Variants in AOC1 observed in about 807,000 individuals in gnomAD.
AOC1 encodes the protein amine oxidase copper containing 1.
In AOC1, 58 loss-of-function variants were observed where a neutral mutation model predicts 57.1. The ratio of observed to expected loss-of-function variants is 1.02; its 90% CI spans 0.82 to 1.26. AOC1 has a LOEUF of 1.26. Ranked by LOEUF, AOC1 falls within the 50% of genes most tolerant of loss-of-function variation. The pLI is 0.00. For synonymous variants in AOC1, 401 were observed against 423.4 expected, an observed-to-expected ratio of 0.95 and a Z score of 0.65; for missense variants, 917 against 1,005.3, an observed-to-expected ratio of 0.91 and a Z score of 1.19.
In AOC1 at chr7:150,856,856, C is replaced by T. The variant is rs756760753; in HGVS notation, c.386C>T (p.Ser129Phe). ...GGGCCCTGCTACATGCGAGCACTGT[C>T]CCCCAGGCCTGGGTACCAGTCCTCC... ...LPGPCYMRAL[S>F]PRPGYQSSWA... is the part of the protein sequence containing the mutation. The change falls in exon 2 of 5, where the codon TCC (serine) becomes TTC (phenylalanine). Residue 129 changes from serine (S) to phenylalanine (F), a missense_variant. Ser to Phe is a radical substitution (Grantham distance 155). Coordinates refer to ENST00000360937, the MANE Select transcript of AOC1 (RefSeq NM_001091.4). The surrounding 1 kb of genome is among the most constrained non-coding windows in gnomAD (Gnocchi z 5.2). 4 of 1,614,052 alleles carry T rather than the reference C, an allele frequency of 2.5e-6. No homozygotes were observed. Among genetic ancestry groups the T allele is most frequent in the South Asian group, 2.2e-5 (2 of 91,080 alleles).
At chr7:150,859,561 G>T (rs1339906819) in intron 3 of AOC1, among the ~76,000 whole-genome samples, 1 of 151,666 alleles carries the variant, frequency 6.6e-6, no homozygotes, top group Non-Finnish European at 1.5e-5. Context: ...AAATTAGCTG[G>T]GCATGGTGGC....
Position 150,860,595 on chromosome 7 carries a change from G to C in AOC1, c.1951G>C (p.Glu651Gln), listed in dbSNP as rs756751670. The C allele has an allele frequency of 5.6e-6, 9 of 1,613,902 alleles. No homozygotes were observed. In the East Asian group the frequency reaches 1.8e-4, roughly 32 times the overall value. The change falls in exon 4 of 5, where the codon GAG becomes CAG. Residue 651 changes from glutamate (E) to glutamine (Q), a missense_variant. Transcript: ENST00000360937. Reference protein sequence around the residue: ...NDPWHPPVVFEQFLHNNENIE... With the variant: ...NDPWHPPVVFQQFLHNNENIE... ...CCCCTGGCACCCGCCCGTGGTCTTT[G>C]AGCAGTTTCTTCACAACAACGAGAA...
rs151141813 is a variant in AOC1 at position 150,857,313 on chromosome 7, C to T, written c.843C>T (p.Leu281=). 2.2e-4 allele frequency: 358 copies of T among 1,597,316 alleles called. 2 individuals carry two copies. The East Asian group carries it at 7.1e-3, about 32-fold the overall frequency. The change falls in exon 2 of 5, where the codon CTC becomes CTT. Residue 281 remains leucine, a synonymous_variant. Coordinates refer to ENST00000360937, the MANE Select transcript of AOC1 (RefSeq NM_001091.4). This position sits in a 1 kb window ranked among gnomAD's most constrained non-coding sequence, Gnocchi z 6.6. ...KGHDSTEEPP[L]FSSHKPRGDF... ...ATGACAGCACAGAGGAGCCGCCCCT[C>T]TTCTCCTCCCACAAGCCCCGCGGGG...
At position 150,852,968 on chromosome 7, in the gene AOC1, G is replaced by A. The variant is rs574949655; in HGVS notation, c.-17+410G>A. ...AGGTTGTAAAAAAGGAGACCCAGCC[G>A]TGAAAGGACATGGAGGTACCCTAAA... On this transcript the variant is annotated intron_variant, in intron 1 of 4. Coordinates refer to ENST00000360937, the MANE Select transcript of AOC1 (RefSeq NM_001091.4). The surrounding 1 kb of genome is among the most constrained non-coding windows in gnomAD (Gnocchi z 4.6). Among the ~76,000 whole-genome samples the A allele has an allele frequency of 5.9e-5, 9 of 152,276 alleles. No individual in the cohort carries two copies. In the South Asian group the frequency reaches 8.3e-4, roughly 14 times the overall value.
rs1799964628 is a variant in AOC1, at chr7:150,861,361, C to T, written c.*152C>T. 1.2e-6 allele frequency: 1 copy of T among 852,662 alleles called. No individual in the cohort carries two copies. The highest frequency in any genetic ancestry group is 1.8e-6 in the Non-Finnish European group (1 of 566,868). 52.8% of individuals were successfully genotyped at this position (852,662 alleles called of 1,614,324 possible). On this transcript the variant is annotated 3_prime_UTR_variant, in exon 5 of 5. Transcript: ENST00000360937. The surrounding 1 kb of genome is among the most constrained non-coding windows in gnomAD (Gnocchi z 4.5). ...GGAAACACACGAACAGACGTGCACACACACAGACGTGCACACACACACAGA... is the reference window on the plus strand; with the variant it reads ...GGAAACACACGAACAGACGTGCACATACACAGACGTGCACACACACACAGA...
In AOC1 at chr7:150,859,045, C is replaced by T; in HGVS notation, c.1853C>T (p.Ala618Val). 1 of 1,564,580 alleles carries T rather than the reference C, an allele frequency of 6.4e-7. No homozygotes were observed. Among genetic ancestry groups the T allele is most frequent in the Non-Finnish European group, 8.7e-7 (1 of 1,150,416 alleles). ...CAGGAGGAGCAGGCCATCACCTGGG[C>T]AAGGTGAGGAAGACCCAGGGGGCCT... The part of the protein sequence containing the change: ...GWQEEQAITW[A>V]RYPLAVTKYR... The change falls in exon 3 of 5, where the codon GCA becomes GTA. Residue 618 changes from alanine (A) to valine (V), a missense_variant. Ala to Val is a moderately conservative substitution (Grantham distance 64). Transcript: ENST00000360937.
chr7:150,854,751 G>T (rs1799724312), intron 1 of AOC1, among the ~76,000 whole-genome samples: 1 of 152,238 alleles, frequency 6.6e-6, no homozygotes, highest in Non-Finnish European at 1.5e-5. Context: ...AAGCGCTCAT[G>T]ATGGTCAGGT....
Position 150,858,820 on chromosome 7 carries a change from G to A in AOC1, c.1628G>A (p.Trp543Ter), listed in dbSNP as rs2116840013. ...AAGCTAGAAAACATCACCAACCCCT[G>A]GAGCCCAAGACACCGCGTGGTCCAG... ...QMKLENITNPWSPRHRVVQPT... is the reference protein window; with the variant it reads ...QMKLENITNP Residue 543 changes from tryptophan to a stop codon, truncating the protein, a stop_gained, in exon 3 of 5, where the codon TGG (tryptophan) becomes TAG (stop). Coordinates refer to ENST00000360937, the MANE Select transcript of AOC1 (RefSeq NM_001091.4). LOFTEE classifies it high-confidence loss of function. 6.2e-7 allele frequency: 1 copy of A among 1,613,208 alleles called. No individual in the cohort carries two copies. Among genetic ancestry groups the A allele is most frequent in the Non-Finnish European group, 8.5e-7 (1 of 1,179,254 alleles).
In AOC1 at chr7:150,860,535, G is replaced by C. The variant is rs1799938301; in HGVS notation, c.1891G>C (p.Glu631Gln). ...PLAVTKYRESELCSSSIYHQN... is the reference protein window; with the variant it reads ...PLAVTKYRESQLCSSSIYHQN... ...GGCAGTGACCAAGTACCGGGAGTCG[G>C]AGCTGTGCAGCAGCAGCATCTACCA... is the stretch of plus-strand genomic sequence containing the variant. Residue 631 changes from glutamate to glutamine, a missense_variant, in exon 4 of 5, where the codon GAG (glutamate) becomes CAG (glutamine). By Grantham distance (29) the Glu-to-Gln change is conservative. Coordinates refer to ENST00000360937, the MANE Select transcript of AOC1 (RefSeq NM_001091.4). 6.2e-7 allele frequency: 1 copy of C among 1,614,040 alleles called. No homozygotes were observed. The highest frequency in any genetic ancestry group is 1.7e-5 in the Admixed American group (1 of 60,016).
At chr7:150,860,083 G>A (rs1052270519) in intron 3 of AOC1, 1 of 184,774 alleles carries the variant, frequency 5.4e-6, no homozygotes, top group African/African-American at 2.3e-5. Context: ...GGAGGCTGAG[G>A]CAGGAGAATC....
At position 150,856,673 on chromosome 7, in the gene AOC1, C is replaced by T; in HGVS notation, c.203C>T (p.Thr68Ile). 1 of 1,614,136 alleles carries T rather than the reference C, an allele frequency of 6.2e-7. No homozygotes were observed. The highest frequency in any genetic ancestry group is 1.1e-5 in the South Asian group (1 of 91,084). ...AGTACCACCACCATGGCCAAGAACA[C>T]CGTGTTTCTCATCGAGATGCTGCTG... ...PSSTTTMAKN[T>I]VFLIEMLLPK... is the part of the protein sequence containing the mutation. The change falls in exon 2 of 5, where the codon ACC (threonine) becomes ATC (isoleucine). Residue 68 changes from threonine (T) to isoleucine (I), a missense_variant. By Grantham distance (89) the Thr-to-Ile change is moderately conservative. Coordinates refer to ENST00000360937, the MANE Select transcript of AOC1 (RefSeq NM_001091.4). The surrounding 1 kb of genome is among the most constrained non-coding windows in gnomAD (Gnocchi z 5.2).
At chr7:150,859,714 A>AG (rs1477864038) in intron 3 of AOC1, 1 of 153,208 alleles carries the variant, frequency 6.5e-6, no homozygotes, top group Non-Finnish European at 1.5e-5. Context: ...AAAAAAAAAA[A>AG]AAAAAAATCC....
chr7:150,855,125 G>A (rs1799733725), intron 1 of AOC1, among the ~76,000 whole-genome samples: 2 of 152,224 alleles, frequency 1.3e-5, no homozygotes, highest in African/African-American at 4.8e-5. Flanking sequence ...CTGCTTGCAG[G>A]AAGTGAAAAG....
At position 150,856,806 on chromosome 7, in the gene AOC1, C is replaced by T. The variant is rs375159199; in HGVS notation, c.336C>T (p.Thr112=). The change falls in exon 2 of 5, where the codon ACC becomes ACT. Residue 112 remains threonine (T), a synonymous_variant. Transcript: ENST00000360937. The surrounding 1 kb of genome is among the most constrained non-coding windows in gnomAD (Gnocchi z 5.2). ...FFGDQEHPNV[T]EFAVGPLPGP... ...GTGACCAGGAGCATCCCAATGTCAC[C>T]GAGTTTGCTGTGGGGCCCCTGCCAG... The T allele has an allele frequency of 5.9e-5, 96 of 1,614,074 alleles. No individual in the cohort carries two copies. The African/African-American group carries it at 1.2e-3, about 19-fold the overall frequency.
Position 150,856,686 on chromosome 7 carries a change from C to A in AOC1, c.216C>A (p.Ile72=), listed in dbSNP as rs767444736. Residue 72 remains isoleucine (I), a synonymous_variant, in exon 2 of 5, where the codon ATC becomes ATA. Transcript: ENST00000360937. The surrounding 1 kb of genome is among the most constrained non-coding windows in gnomAD (Gnocchi z 5.2). ...TTMAKNTVFL[I]EMLLPKKYHV... The stretch of plus-strand genomic sequence containing the variant: ...TGGCCAAGAACACCGTGTTTCTCAT[C>A]GAGATGCTGCTGCCCAAGAAGTACC... 1.2e-6 allele frequency: 2 copies of A among 1,614,054 alleles called. No homozygotes were observed. The highest frequency in any genetic ancestry group is 1.7e-6 in the Non-Finnish European group (2 of 1,180,002).
At chr7:150,859,329 C>T (rs750919413) in intron 3 of AOC1, among the ~76,000 whole-genome samples, 8 of 152,110 alleles carry the variant, frequency 5.3e-5, no homozygotes, top group African/African-American at 9.7e-5. Flanking sequence ...AGAAACATTC[C>T]GTGAACACAT....
chr7:150,857,987 T>C lies in AOC1; in HGVS notation c.1517T>C (p.Ile506Thr), dbSNP rs575798814. 8 of 1,581,896 alleles carry C rather than the reference T, an allele frequency of 5.1e-6. No individual in the cohort carries two copies. Among genetic ancestry groups the C allele is most frequent in the Admixed American group, 1.7e-5 (1 of 57,802 alleles). ...GGCACTCGCCTGCACACCCACCTGA[T>C]TGGCAACATACACACTCACTTGGTG... ...RHGTRLHTHLIGNIHTHLVHY... is the reference protein window; with the variant it reads ...RHGTRLHTHLTGNIHTHLVHY... Residue 506 changes from isoleucine (I) to threonine (T), a missense_variant, in exon 2 of 5, where the codon ATT becomes ACT. Transcript: ENST00000360937. This position sits in a 1 kb window ranked among gnomAD's most constrained non-coding sequence, Gnocchi z 6.6.
In AOC1 at chr7:150,853,692, TATA is replaced by T. The variant is rs1563087204; in HGVS notation, c.-17+1135_-17+1137del. On this transcript the variant is annotated intron_variant, in intron 1 of 4. Transcript: ENST00000360937. Reference sequence around the variant, plus strand: ...ATATATATATATATATATATATATATATATATTTATTTATTTATTTATTTAAGT... The same window carrying T: ...ATATATATATATATATATATATATATTATTTATTTATTTATTTATTTAAGT... Among the ~76,000 whole-genome samples, 122 of 64,556 alleles carry T rather than the reference TATA, an allele frequency of 1.9e-3. 3 individuals are homozygous for T. Among genetic ancestry groups the T allele is most frequent in the East Asian group, 0.015 (13 of 886 alleles). 42.4% of individuals were successfully genotyped at this position (64,556 alleles called of 152,430 possible). A position where few individuals can be genotyped will look rare whatever the true frequency, so the allele number is the denominator to read the frequency against.
intron 1 of AOC1, among the ~76,000 whole-genome samples, chr7:150,853,310 C>G (rs1396943591): frequency 1.3e-5 from 2 of 152,028 alleles, no homozygotes; most frequent in Non-Finnish European, 2.9e-5. Flanking sequence ...ATGTATGGCT[C>G]TGGTGTGGAT....
Sources: allele counts gnomAD v4.1 joint callset (sites outside exome capture counted in the v4.1 genomes callset), GRCh38; gene constraint gnomAD v4.1.1; non-coding constraint Gnocchi (gnomAD v3.1); transcripts MANE v1.5; gene names NCBI Gene and HGNC (gene_info 2026-07-23, HGNC 2026-07-21).